IQSEC1: variants seen among roughly 807,000 people sequenced by gnomAD.
IQSEC1 encodes the protein IQ motif and Sec7 domain ArfGEF 1, also known as IQ motif and SEC7 domain-containing protein 1.
Under a neutral mutation model 91.0 loss-of-function variants are expected in IQSEC1, and 31 were observed. The ratio of observed to expected loss-of-function variants is 0.34; its 90% CI spans 0.26 to 0.46. The LOEUF (loss-of-function observed/expected upper bound fraction) is 0.46, where lower values mean the gene tolerates loss of function less well. IQSEC1 is among the 20% of genes least tolerant of loss of function. The pLI, the probability that IQSEC1 is intolerant of heterozygous loss-of-function variation, is 1.00. For synonymous variants in IQSEC1, 699 were observed against 662.6 expected, an observed-to-expected ratio of 1.05 and a Z score of -0.84; for missense variants, 1,388 against 1,575.6, an observed-to-expected ratio of 0.88 and a Z score of 2.02.
At chr3:13,063,192 C>T (rs1168491307) in intron 1 of IQSEC1, among the ~76,000 whole-genome samples, 1 of 152,234 alleles carries the variant, frequency 6.6e-6, no homozygotes, top group Non-Finnish European at 1.5e-5. Flanking sequence ...CTGCCCTGTT[C>T]ACTGCCCTAG....
At chr3:13,210,157 A>T (rs1694418303) in intron 1 of IQSEC1, among the ~76,000 whole-genome samples, 1 of 152,088 alleles carries the variant, frequency 6.6e-6, no homozygotes, top group South Asian at 2.1e-4. Context: ...CTCGGACACA[A>T]ACGCACCAGG....
At chr3:13,201,033 G>A (rs571518048) in intron 1 of IQSEC1, among the ~76,000 whole-genome samples, 1 of 152,298 alleles carries the variant, frequency 6.6e-6, no homozygotes, top group Non-Finnish European at 1.5e-5. Flanking sequence ...TCAATGACAA[G>A]CAGCTGCATT....
At chr3:13,261,090 G>C (rs115168117) in intron 1 of IQSEC1, among the ~76,000 whole-genome samples, 2,435 of 152,350 alleles carry the variant, frequency 0.016, 54 homozygotes, top group African/African-American at 0.054. Flanking sequence ...CATGGCACTT[G>C]ATTTGTATAT....
chr3:13,266,833 G>C (rs970511905), intron 1 of IQSEC1, among the ~76,000 whole-genome samples: 1 of 152,118 alleles, frequency 6.6e-6, no homozygotes, highest in African/African-American at 2.4e-5. Flanking sequence ...CTTCTAGCAA[G>C]CTCTTATCTC....
intron 1 of IQSEC1, among the ~76,000 whole-genome samples, chr3:13,210,358 C>G (rs569040256): frequency 6.6e-4 from 101 of 152,278 alleles, no homozygotes; most frequent in African/African-American, 2.2e-3. Flanking sequence ...GCCCCGCACA[C>G]TCATTGCAGG....
In IQSEC1 at chr3:12,900,528, C is replaced by T. The variant is rs1275200165; in HGVS notation, c.*455G>A. 1.1e-6 allele frequency: 1 copy of T among 948,522 alleles called. No homozygotes were observed. Among genetic ancestry groups the T allele is most frequent in the Non-Finnish European group, 1.3e-6 (1 of 796,302 alleles). 58.8% of individuals were successfully genotyped at this position (948,522 alleles called of 1,614,324 possible). A position where few individuals can be genotyped will look rare whatever the true frequency, so the allele number is the denominator to read the frequency against. ...CGTATTTTCATCAACCATATCAGGT[C>T]TACTTATTTTTTTGCCCATTGTCAA... is the stretch of plus-strand genomic sequence containing the variant. On this transcript the variant is annotated 3_prime_UTR_variant, in exon 14 of 14. Transcript: ENST00000613206.
In IQSEC1 at chr3:13,183,174, T is replaced by C. The variant is rs113160730; in HGVS notation, c.273-19041A>G. The stretch of plus-strand genomic sequence containing the variant: ...GCAAGACTCTGTCCCCACCAATAAA[T>C]AAACAAACAAACAAACAAACAAACA... On this transcript the variant is annotated intron_variant, in intron 1 of 15. Transcript: ENST00000648114. Among the ~76,000 whole-genome samples the C allele has an allele frequency of 7.5e-3, 1,077 of 143,692 alleles. 4 individuals are homozygous for C. The highest frequency in any genetic ancestry group is 0.019 in the Middle Eastern group (5 of 270). 94.3% of individuals were successfully genotyped at this position (143,692 alleles called of 152,430 possible). A position where few individuals can be genotyped will look rare whatever the true frequency, so the allele number is the denominator to read the frequency against.
chr3:13,023,222 C>A (rs1193266250), intron 1 of IQSEC1, among the ~76,000 whole-genome samples: 2 of 152,120 alleles, frequency 1.3e-5, no homozygotes, highest in Non-Finnish European at 2.9e-5. Flanking sequence ...AGGGCTGGAG[C>A]CTCTGAGCAG....
intron 1 of IQSEC1, among the ~76,000 whole-genome samples, chr3:12,945,645 A>G (rs922355325): frequency 2.0e-5 from 3 of 152,244 alleles, no homozygotes; most frequent in Admixed American, 1.3e-4. Context: ...AACGTGGACA[A>G]AAGTGAGCAC....
At chr3:13,244,832 A>C (rs1695081243) in intron 1 of IQSEC1, among the ~76,000 whole-genome samples, 2 of 152,170 alleles carry the variant, frequency 1.3e-5, no homozygotes, top group Non-Finnish European at 2.9e-5. Flanking sequence ...CTCTCAAACA[A>C]CACAGCACAA....
chr3:13,096,891 C>T (rs1288448714), intron 2 of IQSEC1, among the ~76,000 whole-genome samples: 4 of 149,070 alleles, frequency 2.7e-5, no homozygotes, highest in Admixed American at 2.7e-4. Context: ...AATGGAGTCT[C>T]GCTCTGTTGC....
Position 12,967,645 on chromosome 3 carries a change from G to A in IQSEC1, c.24-25780C>T, listed in dbSNP as rs970811629. ...CTCCCGCGGCTCCGGCCCCAAGTCC[G>A]AGCCCCAGGCCAGCCAAGCCCGCCC... On this transcript the variant is annotated intron_variant, in intron 1 of 13. Coordinates refer to ENST00000613206, the MANE Select transcript of IQSEC1 (RefSeq NM_001134382.3). This position sits in a 1 kb window ranked among gnomAD's most constrained non-coding sequence, Gnocchi z 5.9. 5.9e-5 allele frequency: 72 copies of A among 1,215,308 alleles called. No homozygotes were observed. The highest frequency in any genetic ancestry group is 7.0e-5 in the Non-Finnish European group (68 of 978,234). The allele number at this position is 1,215,308 out of a possible 1,614,324, so 75.3% of individuals were successfully genotyped here.
intron 1 of IQSEC1, among the ~76,000 whole-genome samples, chr3:13,192,348 AAAAAAAG>A (rs1160817601): frequency 1.3e-5 from 2 of 151,984 alleles, no homozygotes; most frequent in Non-Finnish European, 2.9e-5. Context: ...AAAAAAAAAA[AAAAAAAG>A]AAAAGAAAAG....
chr3:12,954,154 C>T (rs558874930), intron 1 of IQSEC1, among the ~76,000 whole-genome samples: 78 of 152,294 alleles, frequency 5.1e-4, no homozygotes, highest in Admixed American at 8.5e-4. Flanking sequence ...GCCCAGGCCT[C>T]GCTCCCAAAC....
At chr3:13,225,633 T>G (rs528854760) in intron 1 of IQSEC1, among the ~76,000 whole-genome samples, 9 of 152,246 alleles carry the variant, frequency 5.9e-5, no homozygotes, top group African/African-American at 1.9e-4. Flanking sequence ...AAATAAAGAA[T>G]AGATCCCTGC....
intron 2 of IQSEC1, among the ~76,000 whole-genome samples, chr3:13,110,173 T>A (rs1368793584): frequency 1.3e-5 from 2 of 151,332 alleles, no homozygotes; most frequent in East Asian, 4.0e-4. Context: ...TGAGCCACGG[T>A]ACCCGGCTGG....
At chr3:13,004,617 C>T (rs949392970) in intron 1 of IQSEC1, among the ~76,000 whole-genome samples, 3 of 152,302 alleles carry the variant, frequency 2.0e-5, no homozygotes, top group Admixed American at 6.5e-5. Context: ...CCACAGGCTT[C>T]GAAAGGCCCA....
chr3:13,263,968 C>A (rs559066711), intron 1 of IQSEC1, among the ~76,000 whole-genome samples: 1 of 152,250 alleles, frequency 6.6e-6, no homozygotes, highest in Non-Finnish European at 1.5e-5. Flanking sequence ...CTTGTCCCTG[C>A]GCCTGTCCGC....
chr3:12,955,577 C>A (rs1699850047), intron 1 of IQSEC1, among the ~76,000 whole-genome samples: 1 of 152,240 alleles, frequency 6.6e-6, no homozygotes, highest in Non-Finnish European at 1.5e-5. Context: ...GCCCGAGGAT[C>A]TCACCCCACA....
Sources: allele counts gnomAD v4.1 joint callset (sites outside exome capture counted in the v4.1 genomes callset), GRCh38; gene constraint gnomAD v4.1.1; non-coding constraint Gnocchi (gnomAD v3.1); transcripts MANE v1.5; gene names NCBI Gene and HGNC (gene_info 2026-07-23, HGNC 2026-07-21).